Variants in TRPM1 observed in about 807,000 individuals in gnomAD.
TRPM1 encodes the protein TRPM1-203 APA Isoform, Intron 10.
A neutral mutation model predicts 149.4 loss-of-function variants in TRPM1; 113 were observed. The ratio of observed to expected loss-of-function variants is 0.76; its 90% CI spans 0.65 to 0.88. The LOEUF is 0.88. Ranked by LOEUF, TRPM1 falls within the 40% of genes least tolerant of loss-of-function variation. The pLI, the probability that TRPM1 is intolerant of heterozygous loss-of-function variation, is 0.00. For missense variants in TRPM1, 1,976 were observed against 2,038.7 expected, an observed-to-expected ratio of 0.97 and a Z score of 0.59; for synonymous variants, 741 against 759.5, an observed-to-expected ratio of 0.98 and a Z score of 0.40.
chr15:31,080,613 C>T (rs2034829260), intron 2 of TRPM1, among the ~76,000 whole-genome samples: 1 of 149,054 alleles, frequency 6.7e-6, no homozygotes, highest in South Asian at 2.2e-4. Context: ...TCCCTAGCCC[C>T]CAGGCCCCGC....
Position 31,047,910 on chromosome 15 carries a change from C to G in TRPM1, c.1602G>C (p.Leu534=), listed in dbSNP as rs368601558. 6.2e-7 allele frequency: 1 copy of G among 1,613,936 alleles called. No homozygotes were observed. The highest frequency in any genetic ancestry group is 1.1e-5 in the South Asian group (1 of 91,078). The change falls in exon 14 of 28, where the codon CTG becomes CTC. Residue 534 remains leucine (L), a synonymous_variant. Coordinates refer to ENST00000256552, the MANE Select transcript of TRPM1 (RefSeq NM_001252024.2). ...TRLGPPNTLH[L]LVRDVKKSNL... ...TGACCTTTTTCACATCCCTCACCAGCAGATGAAGTGTGTTTGGTGGACCCA... is the reference window on the plus strand; with the variant it reads ...TGACCTTTTTCACATCCCTCACCAGGAGATGAAGTGTGTTTGGTGGACCCA...
At chr15:31,037,929 ACAATTC>A in intron 19 of TRPM1, 87 bp from the exon 20 acceptor site, 2 of 1,612,324 alleles carry the variant, frequency 1.2e-6, no homozygotes, top group Non-Finnish European at 1.7e-6. Flanking sequence ...TTAGAAAAAC[ACAATTC>A]CAAAAATACC....
At chr15:31,148,571 G>A (rs943474855) in intron 1 of TRPM1, among the ~76,000 whole-genome samples, 1 of 152,198 alleles carries the variant, frequency 6.6e-6, no homozygotes, top group African/African-American at 2.4e-5. Flanking sequence ...AGGAGGAAAG[G>A]TAAACTCTTC....
chr15:31,129,161 T>C (rs1370168189), intron 1 of TRPM1, among the ~76,000 whole-genome samples: 8 of 152,232 alleles, frequency 5.3e-5, no homozygotes, highest in African/African-American at 1.9e-4. Context: ...ATTTCTCCAC[T>C]GTGGACTGTG....
chr15:31,149,664 C>T (rs1349987269), intron 1 of TRPM1, among the ~76,000 whole-genome samples: 5 of 152,114 alleles, frequency 3.3e-5, no homozygotes, highest in South Asian at 2.1e-4. Flanking sequence ...GGACTACAAG[C>T]ACCCGCCACC....
intron 11 of TRPM1, among the ~76,000 whole-genome samples, chr15:31,056,234 A>G (rs1440687283): frequency 2.0e-5 from 3 of 152,174 alleles, no homozygotes; most frequent in Admixed American, 2.0e-4. Context: ...GGAAAGAGAT[A>G]ATAAAGAAAG....
chr15:31,119,073 C>G (rs2035841011), intron 1 of TRPM1, among the ~76,000 whole-genome samples: 1 of 152,018 alleles, frequency 6.6e-6, no homozygotes, highest in African/African-American at 2.4e-5. Flanking sequence ...AAACCCGTCT[C>G]TACTAAAAAT....
intron 1 of TRPM1, among the ~76,000 whole-genome samples, chr15:31,095,423 G>A (rs1161989806): frequency 1.3e-5 from 2 of 152,176 alleles, no homozygotes; most frequent in African/African-American, 4.8e-5. Context: ...GGTGGCTCAT[G>A]TCTGTAATCC....
At chr15:31,128,364 G>A (rs530869921) in intron 1 of TRPM1, among the ~76,000 whole-genome samples, 4 of 152,120 alleles carry the variant, frequency 2.6e-5, no homozygotes, top group East Asian at 1.9e-4. Flanking sequence ...CGTCTCTTTC[G>A]CTTGTGGGCT....
At chr15:31,088,532 A>G (rs2035076703) in intron 1 of TRPM1, among the ~76,000 whole-genome samples, 1 of 152,248 alleles carries the variant, frequency 6.6e-6, no homozygotes, top group Non-Finnish European at 1.5e-5. Flanking sequence ...GCCACCTTTA[A>G]GAGCTGTAAC....
chr15:31,007,911 T>C (rs1474382709), intron 27 of TRPM1, among the ~76,000 whole-genome samples: 1 of 152,254 alleles, frequency 6.6e-6, no homozygotes, highest in Admixed American at 6.5e-5. Flanking sequence ...TTACGAGATT[T>C]ATACCTAAGT....
At chr15:31,096,586 G>C (rs1357346038) in intron 1 of TRPM1, among the ~76,000 whole-genome samples, 1 of 152,206 alleles carries the variant, frequency 6.6e-6, no homozygotes, top group Non-Finnish European at 1.5e-5. Flanking sequence ...GTGTTAAGGA[G>C]CTCCCCTCAT....
At chr15:31,119,165 C>T (rs1304549657) in intron 1 of TRPM1, among the ~76,000 whole-genome samples, 1 of 152,006 alleles carries the variant, frequency 6.6e-6, no homozygotes, top group Admixed American at 6.6e-5. Context: ...TGCTTGAACC[C>T]AGGAGGCAGA....
At chr15:31,143,001 TC>T (rs1358124106) in intron 1 of TRPM1, among the ~76,000 whole-genome samples, 3 of 152,244 alleles carry the variant, frequency 2.0e-5, no homozygotes, top group African/African-American at 4.8e-5. Flanking sequence ...GTCAATTGCA[TC>T]CTTTCTATAA....
intron 27 of TRPM1, among the ~76,000 whole-genome samples, chr15:31,006,398 G>A (rs1265285269): frequency 2.6e-5 from 4 of 152,094 alleles, no homozygotes; most frequent in African/African-American, 7.2e-5. Flanking sequence ...GGCTGGCCTC[G>A]AACTCCTGAC....
intron 20 of TRPM1, 90 bp downstream of exon 20, chr15:31,037,621 C>A: frequency 6.4e-7 from 1 of 1,568,274 alleles, no homozygotes; most frequent in East Asian, 2.2e-5. Context: ...TTTTTAGATA[C>A]TTTTTTAAGC....
upstream of TRPM1, among the ~76,000 whole-genome samples, chr15:31,104,586 CTTTTTTTTTTTTT>C (rs928062797): frequency 3.4e-5 from 3 of 87,466 alleles, no homozygotes; most frequent in African/African-American, 1.5e-4. Flanking sequence ...GGTGATCTTC[CTTTTTTTTTTTTT>C]TTTTTTTTTT....
chr15:31,062,317 A>T (rs2034255034), intron 9 of TRPM1, among the ~76,000 whole-genome samples: 2 of 152,178 alleles, frequency 1.3e-5, no homozygotes, highest in South Asian at 4.1e-4. Flanking sequence ...AATCTGAGTA[A>T]TATTATGAGC....
Position 31,060,583 on chromosome 15 carries a change from T to C in TRPM1, c.1224A>G (p.Ile408Met). The C allele has an allele frequency of 6.2e-7, 1 of 1,614,236 alleles. No individual in the cohort carries two copies. Among genetic ancestry groups the C allele is most frequent in the South Asian group, 1.1e-5 (1 of 91,080 alleles). Residue 408 changes from isoleucine (I) to methionine (M), a missense_variant, in exon 11 of 28, where the codon ATA becomes ATG. Coordinates refer to ENST00000256552, the MANE Select transcript of TRPM1 (RefSeq NM_001252024.2). Reference protein sequence around the residue: ...SLALAWNRVDIARSQIFVFGP... With the variant: ...SLALAWNRVDMARSQIFVFGP... ...CAAAGACAAAGATCTGGCTTCGTGC[T>C]ATGTCCACGCGGTTCCAAGCCAGTG...
Sources: gnomAD v4.1 joint callset for allele counts (sites outside exome capture counted in the v4.1 genomes callset) on GRCh38, gnomAD v4.1.1 for gene constraint, MANE v1.5 for transcripts, NCBI Gene and HGNC (gene_info 2026-07-23, HGNC 2026-07-21) for gene names.